Variants in BPTF observed in about 807,000 individuals in gnomAD.
BPTF encodes the protein bromodomain PHD finger transcription factor, also known as nucleosome-remodeling factor subunit BPTF.
BPTF carries 18 observed loss-of-function variants against 292.5 expected under a neutral mutation model. That is an observed-to-expected ratio of 0.06 (90% CI 0.04 to 0.09). The LOEUF (loss-of-function observed/expected upper bound fraction) is 0.09, where lower values mean the gene tolerates loss of function less well. BPTF is among the 10% of genes least tolerant of loss of function. The pLI, the probability that BPTF is intolerant of heterozygous loss-of-function variation, is 1.00. For missense variants in BPTF, 2,726 were observed against 3,498.7 expected, an observed-to-expected ratio of 0.78 and a Z score of 5.57; for synonymous variants, 1,225 against 1,251.9, an observed-to-expected ratio of 0.98 and a Z score of 0.45.
intron 1 of BPTF, among the ~76,000 whole-genome samples, chr17:67,848,522 G>C (rs912285456): frequency 1.3e-5 from 2 of 152,170 alleles, no homozygotes; most frequent in African/African-American, 4.8e-5. Flanking sequence ...CTTGAAAACT[G>C]TCTAGGGTTT....
At position 67,920,155 on chromosome 17, in the gene BPTF, A is replaced by C. The variant is rs1598659372; in HGVS notation, c.5557+12A>C. On this transcript the variant is annotated intron_variant, in intron 13 of 27. Coordinates refer to ENST00000306378, the MANE Select transcript of BPTF (RefSeq NM_182641.4). ...AGAAACACCAAAAGGTAAGAAATAG[A>C]ATTCTATTCTTTCATGATTAACCTG... is the stretch of plus-strand genomic sequence containing the variant. The C allele has an allele frequency of 6.2e-7, 1 of 1,605,068 alleles. No individual in the cohort carries two copies. Among genetic ancestry groups the C allele is most frequent in the African/African-American group, 1.3e-5 (1 of 74,554 alleles).
intron 9 of BPTF, 22 bp from the exon 10 acceptor site, chr17:67,909,560 A>T: frequency 2.0e-6 from 3 of 1,472,184 alleles, no homozygotes; most frequent in Non-Finnish European, 2.7e-6. Flanking sequence ...AACGTAAATT[A>T]TCGTTACATG....
intron 1 of BPTF, among the ~76,000 whole-genome samples, chr17:67,846,927 C>G (rs113439669): frequency 0.021 from 3,225 of 152,138 alleles, 122 homozygotes; most frequent in African/African-American, 0.074. Flanking sequence ...TCCTAAACTC[C>G]GGACCTCAAG....
At chr17:67,834,347 C>CT (rs1169109578) in intron 1 of BPTF, among the ~76,000 whole-genome samples, 1 of 152,174 alleles carries the variant, frequency 6.6e-6, no homozygotes, top group Non-Finnish European at 1.5e-5. Flanking sequence ...TTTTGTCAGT[C>CT]TAAGTGAATG....
At chr17:67,916,879 C>T (rs2063040635) in intron 11 of BPTF, among the ~76,000 whole-genome samples, 1 of 151,546 alleles carries the variant, frequency 6.6e-6, no homozygotes, top group Non-Finnish European at 1.5e-5. Flanking sequence ...CCTTTGTCTA[C>T]ACCATAATCA....
Position 67,854,398 on chromosome 17 carries a change from G to A in BPTF, c.1072G>A (p.Glu358Lys). Residue 358 changes from glutamate to lysine, a missense_variant, in exon 2 of 28, where the codon GAG (glutamate) becomes AAG (lysine). Physicochemically the swap from Glu to Lys is moderately conservative, Grantham distance 56 (BLOSUM62 1). Around this residue, in one of 22 missense-constraint regions of BPTF, gnomAD observed 102 missense variants for 212.6 expected, o/e 0.48. Coordinates refer to ENST00000306378, the MANE Select transcript of BPTF (RefSeq NM_182641.4). This position sits in a 1 kb window ranked among gnomAD's most constrained non-coding sequence, Gnocchi z 5.6. ...EAEDYPYGPVENKIKVLQFLV... is the reference protein window; with the variant it reads ...EAEDYPYGPVKNKIKVLQFLV... ...AGAGGACTACCCATATGGACCAGTAGAGAACAAGATCAAAGTTCTACAGTT... is the reference window on the plus strand; with the variant it reads ...AGAGGACTACCCATATGGACCAGTAAAGAACAAGATCAAAGTTCTACAGTT... 6.2e-7 allele frequency: 1 copy of A among 1,614,214 alleles called. No homozygotes were observed. The highest frequency in any genetic ancestry group is 1.6e-4 in the Middle Eastern group (1 of 6,062).
At chr17:67,928,072 T>TG (rs1386335837) in intron 15 of BPTF, among the ~76,000 whole-genome samples, 1 of 151,954 alleles carries the variant, frequency 6.6e-6, no homozygotes, top group East Asian at 1.9e-4. Context: ...TTAGTAGAGG[T>TG]GGGGTTTCAC....
intron 18 of BPTF, among the ~76,000 whole-genome samples, chr17:67,939,711 A>G (rs986119902): frequency 1.3e-5 from 2 of 152,180 alleles, no homozygotes; most frequent in African/African-American, 4.8e-5. Context: ...CCCCATCTCT[A>G]TTAAAACAAA....
Position 67,982,968 on chromosome 17 carries a change from ACT to A in BPTF, c.*683_*684del, listed in dbSNP as rs1252683692. ...TGGGCTAAGTGGTCCTGGACTACAG[ACT>A]CTGTTGCCTTGAATATAACAGTACA... On this transcript the variant is annotated 3_prime_UTR_variant, in exon 28 of 28. Transcript: ENST00000306378. 6.6e-6 allele frequency: 1 copy of A among 152,206 alleles called. No individual in the cohort carries two copies. The highest frequency in any genetic ancestry group is 1.5e-5 in the Non-Finnish European group (1 of 68,036). The allele number at this position is 152,206 out of a possible 1,614,324, so 9.4% of individuals were successfully genotyped here. A position where few individuals can be genotyped will look rare whatever the true frequency, so the allele number is the denominator to read the frequency against.
At chr17:67,956,186 G>C (rs1239242534) in intron 23 of BPTF, 2 of 151,648 alleles carry the variant, frequency 1.3e-5, no homozygotes, top group African/African-American at 4.8e-5. Context: ...GGGCGTGATG[G>C]CGGGCGCCTG....
intron 10 of BPTF, among the ~76,000 whole-genome samples, chr17:67,910,179 T>C (rs1215238025): frequency 6.6e-6 from 1 of 152,250 alleles, no homozygotes; most frequent in Non-Finnish European, 1.5e-5. Flanking sequence ...GGTTCATCCA[T>C]GTTGTAGCAT....
In BPTF at chr17:67,874,873, C is replaced by G. The variant is rs1314423974; in HGVS notation, c.1717C>G (p.Pro573Ala). The change falls in exon 4 of 28, where the codon CCA becomes GCA. Residue 573 changes from proline to alanine, a missense_variant. Around this residue, in one of 22 missense-constraint regions of BPTF, gnomAD observed 187 missense variants for 201.5 expected, o/e 0.93. Coordinates refer to ENST00000306378, the MANE Select transcript of BPTF (RefSeq NM_182641.4). ...KKGDIDNVKS[P>A]EETEKDKNET... is the part of the protein sequence containing the mutation. ...GGGAGACATTGATAATGTTAAAAGC[C>G]CAGAAGAAACAGAAAAAGACAAGAA... 6.2e-7 allele frequency: 1 copy of G among 1,612,874 alleles called. No individual in the cohort carries two copies. Among genetic ancestry groups the G allele is most frequent in the East Asian group, 2.2e-5 (1 of 44,782 alleles).
intron 1 of BPTF, among the ~76,000 whole-genome samples, chr17:67,851,143 A>G (rs540546040): frequency 6.6e-6 from 1 of 152,116 alleles, no homozygotes; most frequent in Non-Finnish European, 1.5e-5. Context: ...GGTCTCATGA[A>G]GCTTCGGCAG....
intron 26 of BPTF, among the ~76,000 whole-genome samples, chr17:67,971,632 C>T (rs1280122350): frequency 6.6e-6 from 1 of 151,914 alleles, no homozygotes; most frequent in Non-Finnish European, 1.5e-5. Flanking sequence ...GGCGAAACCC[C>T]GTCTCTACTA....
At chr17:67,856,416 C>T (rs1193730890) in intron 2 of BPTF, among the ~76,000 whole-genome samples, 2 of 152,170 alleles carry the variant, frequency 1.3e-5, no homozygotes, top group East Asian at 3.9e-4. Flanking sequence ...TGTGCATGGT[C>T]TGTTTCTTCT....
At chr17:67,969,182 C>T (rs1365391018) in intron 26 of BPTF, among the ~76,000 whole-genome samples, 2 of 151,084 alleles carry the variant, frequency 1.3e-5, no homozygotes, top group Non-Finnish European at 2.9e-5. Flanking sequence ...CGCAGTGGCT[C>T]ATGCCTATAA....
Position 67,825,796 on chromosome 17 carries a change from GCCGCCA to G in BPTF, c.78_83del (p.Pro30_Pro31del). 9.7e-7 allele frequency: 1 copy of G among 1,029,196 alleles called. No homozygotes were observed. Among genetic ancestry groups the G allele is most frequent in the Non-Finnish European group, 1.2e-6 (1 of 860,766 alleles). The allele number at this position is 1,029,196 out of a possible 1,614,324, so 63.8% of individuals were successfully genotyped here. A position where few individuals can be genotyped will look rare whatever the true frequency, so the allele number is the denominator to read the frequency against. ...CTGCGGAGCGCTGCGCCCCGGCCCC[GCCGCCA>G]CCGCCGCCGCCGCCCACGTCCGGAC... On this transcript the variant is annotated inframe_deletion, in exon 1 of 28. Transcript: ENST00000306378.
chr17:67,943,926 T>C (rs1228150721), intron 19 of BPTF, among the ~76,000 whole-genome samples: 1 of 152,210 alleles, frequency 6.6e-6, no homozygotes, highest in African/African-American at 2.4e-5. Context: ...GATAACTGGC[T>C]GACCATTGGG....
In BPTF at chr17:67,940,467, C is replaced by T; in HGVS notation, c.6288C>T (p.Ile2096=). Residue 2096 remains isoleucine, a synonymous_variant, in exon 19 of 28, where the codon ATC becomes ATT. Transcript: ENST00000306378. ...CTCCTCAGCAAGTGATGACTCAAAT[C>T]ATCAGGGGGCAGCCTGTCTCCACTG... The part of the protein sequence containing the change: ...PGAPQQVMTQ[I]IRGQPVSTAV... 1 of 1,614,060 alleles carries T rather than the reference C, an allele frequency of 6.2e-7. No individual in the cohort carries two copies. The highest frequency in any genetic ancestry group is 8.5e-7 in the Non-Finnish European group (1 of 1,180,002).
Sources: gnomAD v4.1 joint callset for allele counts (sites outside exome capture counted in the v4.1 genomes callset) on GRCh38, gnomAD v4.1.1 for gene constraint, gnomAD v4.1.1 regional missense constraint, Gnocchi (gnomAD v3.1) non-coding constraint, MANE v1.5 for transcripts, NCBI Gene and HGNC (gene_info 2026-07-23, HGNC 2026-07-21) for gene names.